DPP10: variants seen among roughly 807,000 people sequenced by gnomAD.
DPP10 encodes dipeptidyl peptidase like 10.
A neutral mutation model predicts 120.9 loss-of-function variants in DPP10; 33 were observed. The ratio of observed to expected loss-of-function variants is 0.27; its 90% confidence interval spans 0.21 to 0.37. The LOEUF is 0.37. DPP10 is among the 10% of genes least tolerant of loss of function. The pLI, the probability that DPP10 is intolerant of heterozygous loss-of-function variation, is 1.00. For missense variants in DPP10, 816 were observed against 942.8 expected (o/e 0.87, Z 1.76); for synonymous variants, 337 against 326.1 (o/e 1.03, Z -0.36).
At chr2:114,873,681 G>A (rs976488176) in intron 1 of DPP10, among the ~76,000 whole-genome samples, 27 of 146,746 alleles carry the variant, frequency 1.8e-4, no homozygotes, top group South Asian at 2.3e-4. Flanking sequence ...CCAAAAAAAC[G>A]TCAGCAGAAC....
intron 1 of DPP10, among the ~76,000 whole-genome samples, chr2:114,909,749 G>A (rs145461297): frequency 1.3e-5 from 2 of 151,956 alleles, no homozygotes; most frequent in African/African-American, 4.8e-5. Flanking sequence ...GTTCTGAGTT[G>A]GCAGTGTACC....
At chr2:115,678,821 G>A (rs2090457709) in intron 5 of DPP10, among the ~76,000 whole-genome samples, 1 of 152,226 alleles carries the variant, frequency 6.6e-6, no homozygotes, top group Non-Finnish European at 1.5e-5. Context: ...AGATGCCCAA[G>A]GTTGTGGGAG....
intron 3 of DPP10, among the ~76,000 whole-genome samples, chr2:115,465,924 C>G (rs843434): frequency 0.99 from 150,079 of 152,290 alleles, 73,994 homozygotes; most frequent in East Asian, 1. Context: ...CAAACACTAT[C>G]GTTTCCCAAG....
chr2:115,254,219 G>C (rs549510939), intron 1 of DPP10, among the ~76,000 whole-genome samples: 1 of 152,246 alleles, frequency 6.6e-6, no homozygotes, highest in South Asian at 2.1e-4. Context: ...ATGGTGGAAG[G>C]GGAGGCAAAC....
At chr2:115,400,954 G>A (rs1217880865) in intron 3 of DPP10, among the ~76,000 whole-genome samples, 1 of 152,190 alleles carries the variant, frequency 6.6e-6, no homozygotes, top group African/African-American at 2.4e-5. Flanking sequence ...CCAGCTAAAA[G>A]TGAGTACTTA....
At chr2:115,202,104 AT>A (rs2055776369) in intron 1 of DPP10, among the ~76,000 whole-genome samples, 1 of 152,092 alleles carries the variant, frequency 6.6e-6, no homozygotes, top group African/African-American at 2.4e-5. Flanking sequence ...TTCATTATTT[AT>A]TTTTATAGAG....
intron 5 of DPP10, among the ~76,000 whole-genome samples, chr2:115,619,767 T>A (rs1391568497): frequency 2.0e-5 from 3 of 152,220 alleles, no homozygotes; most frequent in Non-Finnish European, 1.5e-5. Context: ...CTGAGTTTAG[T>A]CGTTTGTTTT....
intron 3 of DPP10, among the ~76,000 whole-genome samples, chr2:115,382,404 G>T (rs1442658829): frequency 1.3e-5 from 2 of 152,266 alleles, no homozygotes; most frequent in East Asian, 1.9e-4. Flanking sequence ...GCAATGCCTC[G>T]CCCTGCTTCG....
At chr2:114,508,666 C>T (rs1050213331) in intron 1 of DPP10, among the ~76,000 whole-genome samples, 4 of 152,056 alleles carry the variant, frequency 2.6e-5, no homozygotes, top group Non-Finnish European at 4.4e-5. Flanking sequence ...GTTGTGTCTT[C>T]TCCTTGCCTC....
At chr2:115,059,233 AAG>A (rs1706191122) in intron 1 of DPP10, among the ~76,000 whole-genome samples, 7 of 152,120 alleles carry the variant, frequency 4.6e-5, no homozygotes, top group African/African-American at 1.7e-4. Context: ...AAAGAAGAAG[AAG>A]AAGAATGCAT....
intron 5 of DPP10, among the ~76,000 whole-genome samples, chr2:115,674,740 A>T (rs924424219): frequency 1.3e-5 from 2 of 152,160 alleles, no homozygotes; most frequent in Non-Finnish European, 2.9e-5. Flanking sequence ...TACATGTTTG[A>T]GTTTCATGCT....
chr2:114,861,065 C>T (rs1034536348), intron 1 of DPP10, among the ~76,000 whole-genome samples: 1 of 152,106 alleles, frequency 6.6e-6, no homozygotes, highest in East Asian at 1.9e-4. Flanking sequence ...CAACATAAAC[C>T]CTCTTTCTTA....
intron 3 of DPP10, among the ~76,000 whole-genome samples, chr2:115,349,586 T>C (rs553600665): frequency 1.3e-5 from 2 of 152,230 alleles, no homozygotes; most frequent in East Asian, 3.9e-4. Context: ...ATAAATGCGC[T>C]GGGAGGTCTC....
intron 1 of DPP10, among the ~76,000 whole-genome samples, chr2:115,243,480 T>C (rs1030667621): frequency 2.6e-5 from 4 of 152,196 alleles, no homozygotes; most frequent in African/African-American, 9.6e-5. Flanking sequence ...ATTTTTATTT[T>C]CTCACATTTT....
chr2:115,555,497 C>T (rs1359571637), intron 5 of DPP10, among the ~76,000 whole-genome samples: 2 of 152,022 alleles, frequency 1.3e-5, no homozygotes, highest in Non-Finnish European at 2.9e-5. Context: ...TTTGTTTATG[C>T]AGACTCATCT....
intron 9 of DPP10, among the ~76,000 whole-genome samples, chr2:115,744,119 A>C (rs1007841881): frequency 2.0e-5 from 3 of 150,732 alleles, no homozygotes; most frequent in Non-Finnish European, 2.9e-5. Context: ...ACAGATTTGT[A>C]GGCCCACACT....
chr2:115,756,027 A>G (rs1254427624), intron 11 of DPP10, among the ~76,000 whole-genome samples: 5 of 152,114 alleles, frequency 3.3e-5, no homozygotes, highest in Admixed American at 1.3e-4. Context: ...TCTGTCATTC[A>G]TGGCAACATG....
chr2:115,718,851 A>C (rs1349133598), intron 7 of DPP10, among the ~76,000 whole-genome samples: 1 of 152,162 alleles, frequency 6.6e-6, no homozygotes, highest in Non-Finnish European at 1.5e-5. Context: ...AAAAGTGAAA[A>C]AGGAGAAAGT....
intron 1 of DPP10, among the ~76,000 whole-genome samples, chr2:114,611,955 G>T (rs889516659): frequency 1.2e-4 from 19 of 152,014 alleles, no homozygotes; most frequent in African/African-American, 4.4e-4. Context: ...TTCTAATTTT[G>T]TTCTCTCCAT....
Sources: allele counts gnomAD v4.1 joint callset (sites outside exome capture counted in the v4.1 genomes callset), GRCh38; gene constraint gnomAD v4.1.1; transcripts MANE v1.5; gene names NCBI Gene and HGNC (gene_info 2026-07-23, HGNC 2026-07-21).